Variants in DGKB observed in about 807,000 individuals in gnomAD.
DGKB encodes diacylglycerol kinase beta, also known as 90 kDa diacylglycerol kinase.
A neutral mutation model predicts 114.3 loss-of-function variants in DGKB; 67 were observed. The observed-to-expected ratio is 0.59, with a 90% CI of 0.48 to 0.72. The LOEUF (loss-of-function observed/expected upper bound fraction) is 0.72, where lower values mean the gene tolerates loss of function less well. DGKB is among the 30% of genes least tolerant of loss of function. DGKB has a pLI of 0.00. For synonymous variants in DGKB, 398 were observed against 323.1 expected, an observed-to-expected ratio of 1.23 and a Z score of -2.49; for missense variants, 907 against 975.2, an observed-to-expected ratio of 0.93 and a Z score of 0.93.
At chr7:14,204,641 G>T (rs929788308) in intron 23 of DGKB, among the ~76,000 whole-genome samples, 9 of 151,958 alleles carry the variant, frequency 5.9e-5, no homozygotes, top group African/African-American at 2.2e-4. Flanking sequence ...GAACTAAAAG[G>T]TTCAAGTGCC....
At chr7:14,601,253 C>T (rs920233065) in intron 17 of DGKB, among the ~76,000 whole-genome samples, 1 of 152,150 alleles carries the variant, frequency 6.6e-6, no homozygotes, top group Non-Finnish European at 1.5e-5. Context: ...AAACTTGAGG[C>T]AGCTCTGGGA....
chr7:14,476,891 G>C (rs1010850351), intron 21 of DGKB, among the ~76,000 whole-genome samples: 1 of 151,544 alleles, frequency 6.6e-6, no homozygotes, highest in Non-Finnish European at 1.5e-5. Flanking sequence ...AGTAGCTTGG[G>C]TTACAGGCAC....
At chr7:14,958,860 G>A (rs1463913278) in intron 1 of DGKB, among the ~76,000 whole-genome samples, 1 of 151,960 alleles carries the variant, frequency 6.6e-6, no homozygotes. Flanking sequence ...AAGAACAAAA[G>A]CCTTTAGGTG....
intron 20 of DGKB, among the ~76,000 whole-genome samples, chr7:14,525,746 G>A (rs1322561654): frequency 6.6e-6 from 1 of 152,104 alleles, no homozygotes; most frequent in Non-Finnish European, 1.5e-5. Flanking sequence ...TTTTATTTGT[G>A]TAATAGAAAA....
In DGKB at chr7:14,551,746, A is replaced by C. The variant is rs146793270; in HGVS notation, c.1770+22466T>G. 5.0e-3 allele frequency among the ~76,000 whole-genome samples: 758 copies of C among 152,266 alleles called. 3 individuals carry two copies. The highest frequency in any genetic ancestry group is 0.018 in the African/African-American group (739 of 41,560). ...AATTCATAGGTCTTAATTGTGCATAATTATGCATATTCTCAGTTGCAAAGA... is the reference window on the plus strand; with the variant it reads ...AATTCATAGGTCTTAATTGTGCATACTTATGCATATTCTCAGTTGCAAAGA... On this transcript the variant is annotated intron_variant, in intron 20 of 25. Coordinates refer to ENST00000402815, the MANE Select transcript of DGKB (RefSeq NM_001350709.2).
At chr7:14,245,485 A>G (rs933569830) in intron 23 of DGKB, among the ~76,000 whole-genome samples, 1 of 152,316 alleles carries the variant, frequency 6.6e-6, no homozygotes, top group African/African-American at 2.4e-5. Context: ...GCCAAGAGGT[A>G]TGGAGCCTGT....
intron 25 of DGKB, among the ~76,000 whole-genome samples, chr7:14,175,445 C>A (rs1781582424): frequency 6.6e-6 from 1 of 152,080 alleles, no homozygotes; most frequent in Admixed American, 6.6e-5. Context: ...CCTCCTGCAC[C>A]CCCAGGAACT....
intron 1 of DGKB, among the ~76,000 whole-genome samples, chr7:14,902,283 T>C (rs1348673459): frequency 2.6e-5 from 4 of 152,178 alleles, no homozygotes; most frequent in African/African-American, 7.2e-5. Context: ...ATCTCATTGG[T>C]AACTTTCAGG....
chr7:14,322,578 A>G (rs1265998157), intron 23 of DGKB, among the ~76,000 whole-genome samples: 3 of 152,188 alleles, frequency 2.0e-5, no homozygotes, highest in Non-Finnish European at 2.9e-5. Flanking sequence ...TACAGATAAA[A>G]AGCAATAAGA....
intron 13 of DGKB, among the ~76,000 whole-genome samples, chr7:14,646,534 A>G (rs1813051883): frequency 6.6e-6 from 1 of 152,184 alleles, no homozygotes; most frequent in Admixed American, 6.5e-5. Context: ...TAGCTGCAGA[A>G]CACACATTAT....
At chr7:14,686,289 T>C (rs4506099) in intron 9 of DGKB, among the ~76,000 whole-genome samples, 4,574 of 152,224 alleles carry the variant, frequency 0.03, 156 homozygotes, top group Admixed American at 0.073. Context: ...ATATGATGCT[T>C]AGGAATTTCT....
chr7:14,538,364 C>T (rs1792881567), intron 20 of DGKB, among the ~76,000 whole-genome samples: 1 of 152,014 alleles, frequency 6.6e-6, no homozygotes, highest in South Asian at 2.1e-4. Context: ...TACAATGATG[C>T]TCAACAGTTG....
At chr7:14,594,325 AG>A (rs1281383058) in intron 17 of DGKB, among the ~76,000 whole-genome samples, 3 of 152,028 alleles carry the variant, frequency 2.0e-5, no homozygotes, top group Non-Finnish European at 2.9e-5. Flanking sequence ...AATATGCATA[AG>A]TTATGTGTGT....
chr7:14,652,354 C>T (rs189823561), intron 13 of DGKB, among the ~76,000 whole-genome samples: 243 of 152,194 alleles, frequency 1.6e-3, no homozygotes, highest in African/African-American at 5.3e-3. Context: ...CGCATATCTA[C>T]AACTATCCGA....
At chr7:14,892,939 T>C (rs1421040703) in intron 1 of DGKB, among the ~76,000 whole-genome samples, 3 of 150,150 alleles carry the variant, frequency 2.0e-5, no homozygotes, top group Non-Finnish European at 4.5e-5. Context: ...TATGTGTATA[T>C]ATACACACAC....
At chr7:14,840,517 G>T (rs1416531919) in intron 2 of DGKB, among the ~76,000 whole-genome samples, 1 of 152,070 alleles carries the variant, frequency 6.6e-6, no homozygotes, top group Non-Finnish European at 1.5e-5. Context: ...CATATGCAAA[G>T]AAACAATATT....
intron 23 of DGKB, among the ~76,000 whole-genome samples, chr7:14,318,693 T>C (rs1198115498): frequency 6.6e-6 from 1 of 152,068 alleles, no homozygotes; most frequent in African/African-American, 2.4e-5. Context: ...TTGGTGGGAC[T>C]GTAAACTAGT....
At chr7:14,868,676 A>C (rs1179222247) in intron 1 of DGKB, among the ~76,000 whole-genome samples, 1 of 152,144 alleles carries the variant, frequency 6.6e-6, no homozygotes, top group Non-Finnish European at 1.5e-5. Flanking sequence ...ACCTATAATG[A>C]GAAATTGCCC....
At chr7:14,287,395 C>T (rs1801037121) in intron 23 of DGKB, among the ~76,000 whole-genome samples, 1 of 151,122 alleles carries the variant, frequency 6.6e-6, no homozygotes, top group Non-Finnish European at 1.5e-5. Context: ...GCTACTTTTT[C>T]TTATATCTAG....
Sources: allele counts gnomAD v4.1 joint callset (sites outside exome capture counted in the v4.1 genomes callset), GRCh38; gene constraint gnomAD v4.1.1; transcripts MANE v1.5; gene names NCBI Gene and HGNC (gene_info 2026-07-23, HGNC 2026-07-21).